RABGAP1L: variants seen among roughly 807,000 people sequenced by gnomAD.
The protein encoded by RABGAP1L is RAB GTPase activating protein 1 like.
Under a neutral mutation model 137.7 loss-of-function variants are expected in RABGAP1L, and 63 were observed. The observed-to-expected ratio is 0.46, with a 90% CI of 0.37 to 0.56. The LOEUF (loss-of-function observed/expected upper bound fraction) is 0.56. Ranked by LOEUF, RABGAP1L falls within the 20% of genes least tolerant of loss-of-function variation. The pLI is 0.00. For missense variants in RABGAP1L, 1,095 were observed against 1,244.0 expected (o/e 0.88, Z 1.80); for synonymous variants, 431 against 433.7 (o/e 0.99, Z 0.08).
At chr1:174,561,571 A>G (rs1667217440) in intron 13 of RABGAP1L, among the ~76,000 whole-genome samples, 1 of 152,222 alleles carries the variant, frequency 6.6e-6, no homozygotes, top group Non-Finnish European at 1.5e-5. Flanking sequence ...AGCAAAGAGA[A>G]CAAAGCTGGA....
At chr1:174,324,679 A>T (rs980831111) in intron 11 of RABGAP1L, among the ~76,000 whole-genome samples, 1 of 152,214 alleles carries the variant, frequency 6.6e-6, no homozygotes. Context: ...CATCACTAAC[A>T]TTTAAGGGGT....
chr1:174,663,635 C>T (rs1301645832), intron 14 of RABGAP1L, among the ~76,000 whole-genome samples: 3 of 152,166 alleles, frequency 2.0e-5, no homozygotes, highest in Non-Finnish European at 4.4e-5. Context: ...TCATTATTTA[C>T]AGATTCTGTA....
At chr1:174,936,808 A>C (rs920534761) in intron 19 of RABGAP1L, among the ~76,000 whole-genome samples, 1 of 152,108 alleles carries the variant, frequency 6.6e-6, no homozygotes, top group Non-Finnish European at 1.5e-5. Flanking sequence ...TGTTTATATA[A>C]ATCACTTTCT....
At chr1:174,541,296 T>G (rs563441169) in intron 13 of RABGAP1L, among the ~76,000 whole-genome samples, 2 of 152,306 alleles carry the variant, frequency 1.3e-5, no homozygotes, top group South Asian at 4.1e-4. Context: ...TTCTCCTGCC[T>G]GACTGCCCTG....
intron 7 of RABGAP1L, among the ~76,000 whole-genome samples, chr1:174,269,603 CAA>C (rs1674382693): frequency 1.3e-5 from 2 of 150,718 alleles, no homozygotes; most frequent in Non-Finnish European, 1.5e-5. Context: ...ATTCAATAAA[CAA>C]TATCTATTAT....
intron 19 of RABGAP1L, among the ~76,000 whole-genome samples, chr1:174,924,978 C>T (rs1044862535): frequency 3.3e-5 from 5 of 152,086 alleles, no homozygotes; most frequent in African/African-American, 7.2e-5. Flanking sequence ...GGGTAGATTT[C>T]ACTGAAAAGG....
At chr1:174,772,878 G>A (rs1686234529) in intron 18 of RABGAP1L, among the ~76,000 whole-genome samples, 1 of 151,958 alleles carries the variant, frequency 6.6e-6, no homozygotes, top group Admixed American at 6.6e-5. Flanking sequence ...CATAGTGTAT[G>A]ACCCTTAATT....
rs2148342487 is a variant in RABGAP1L at position 174,637,484 on chromosome 1, G to T, written c.1820G>T (p.Cys607Phe). 1.9e-6 allele frequency: 3 copies of T among 1,583,976 alleles called. No individual in the cohort carries two copies. The highest frequency in any genetic ancestry group is 2.6e-6 in the Non-Finnish European group (3 of 1,152,796). The change falls in exon 14 of 26, where the codon TGC (cysteine) becomes TTC (phenylalanine). Residue 607 changes from cysteine to phenylalanine, a missense_variant. Physicochemically the swap from Cys to Phe is radical, Grantham distance 205. Around this residue, in one of 4 missense-constraint regions of RABGAP1L, gnomAD observed 315 missense variants for 324.8 expected, o/e 0.97. Transcript: ENST00000681986. ...GDGQESLYKI[C>F]KAYSVYDEDI... ...GGTCAAGAATCGCTCTATAAGATCTGCAAGGTAGGACTCTCTTCCTCACTT... is the reference window on the plus strand; with the variant it reads ...GGTCAAGAATCGCTCTATAAGATCTTCAAGGTAGGACTCTCTTCCTCACTT...
chr1:174,395,794 A>G (rs908604888), intron 13 of RABGAP1L, among the ~76,000 whole-genome samples: 17 of 150,630 alleles, frequency 1.1e-4, no homozygotes, highest in African/African-American at 4.2e-4. Flanking sequence ...ACCTGTGACT[A>G]GCCACTACAC....
At chr1:174,846,872 G>T (rs926970440) in intron 19 of RABGAP1L, among the ~76,000 whole-genome samples, 1 of 34,094 alleles carries the variant, frequency 2.9e-5, no homozygotes, top group Non-Finnish European at 1.4e-4. Context: ...AAGTCTCTTT[G>T]TAGGTCACTC....
chr1:174,813,691 A>C (rs1207794160), intron 19 of RABGAP1L, among the ~76,000 whole-genome samples: 2 of 152,034 alleles, frequency 1.3e-5, no homozygotes, highest in Non-Finnish European at 2.9e-5. Context: ...AAACTCTTTA[A>C]AGCCTTCACG....
intron 11 of RABGAP1L, among the ~76,000 whole-genome samples, chr1:174,350,578 C>G (rs1223277177): frequency 1.3e-4 from 16 of 119,368 alleles, no homozygotes; most frequent in Non-Finnish European, 2.4e-4. Flanking sequence ...GGGATGGCGG[C>G]CGGGCAGAGA....
At chr1:174,615,956 A>T (rs1265152427) in intron 13 of RABGAP1L, among the ~76,000 whole-genome samples, 3 of 152,152 alleles carry the variant, frequency 2.0e-5, no homozygotes, top group African/African-American at 7.2e-5. Flanking sequence ...GGTGGGAGTT[A>T]CCCGATTTTC....
Position 174,811,906 on chromosome 1 carries a change from A to G in RABGAP1L, c.2286A>G (p.Arg762=). Residue 762 remains arginine (R), a synonymous_variant, in exon 19 of 26, where the codon AGA becomes AGG. Transcript: ENST00000681986. ...LKFFRVQLPK[R]YRAEENARRL... ...TCTTTAGAGTTCAGCTTCCAAAGAGATACAGGGCAGAGGAAAATGCAAGAA... is the reference window on the plus strand; with the variant it reads ...TCTTTAGAGTTCAGCTTCCAAAGAGGTACAGGGCAGAGGAAAATGCAAGAA... 1 of 1,609,850 alleles carries G rather than the reference A, an allele frequency of 6.2e-7. No individual in the cohort carries two copies.
chr1:174,701,413 A>C (rs1392912268), intron 16 of RABGAP1L, among the ~76,000 whole-genome samples: 1 of 152,206 alleles, frequency 6.6e-6, no homozygotes, highest in Admixed American at 6.5e-5. Flanking sequence ...GATGATTTCC[A>C]AAGAGAAGAT....
chr1:174,439,874 C>T (rs553463028), intron 13 of RABGAP1L, among the ~76,000 whole-genome samples: 1 of 152,320 alleles, frequency 6.6e-6, no homozygotes, highest in South Asian at 2.1e-4. Context: ...AGATGTTGCT[C>T]TCCTCATGGG....
At chr1:174,337,575 A>T (rs1182503580) in intron 11 of RABGAP1L, among the ~76,000 whole-genome samples, 3 of 152,166 alleles carry the variant, frequency 2.0e-5, no homozygotes, top group Non-Finnish European at 4.4e-5. Flanking sequence ...TTTCGTGAGG[A>T]AGATTAAGCT....
chr1:174,916,300 T>G (rs1331058913), intron 19 of RABGAP1L, among the ~76,000 whole-genome samples: 1 of 152,216 alleles, frequency 6.6e-6, no homozygotes, highest in Non-Finnish European at 1.5e-5. Context: ...TGGCTAGATT[T>G]TTAAGACTTT....
At chr1:174,481,880 A>AG (rs1479901828) in intron 13 of RABGAP1L, among the ~76,000 whole-genome samples, 2 of 149,072 alleles carry the variant, frequency 1.3e-5, no homozygotes, top group Non-Finnish European at 3.0e-5. Flanking sequence ...ATAATAAAAA[A>AG]TAAAAAAAAA....
Sources: gnomAD v4.1 joint callset for allele counts (sites outside exome capture counted in the v4.1 genomes callset) on GRCh38, gnomAD v4.1.1 for gene constraint, gnomAD v4.1.1 regional missense constraint, MANE v1.5 for transcripts, NCBI Gene and HGNC (gene_info 2026-07-23, HGNC 2026-07-21) for gene names.